The following ALG9 variants were observed in gnomAD, a reference collection of about 807,000 sequenced individuals.
ALG9 encodes the protein ALG9 alpha-1,2-mannosyltransferase.
In ALG9, 55 loss-of-function variants were observed where a neutral mutation model predicts 81.8. That is an observed-to-expected ratio of 0.67 (90% CI 0.54 to 0.84). ALG9 has a LOEUF of 0.84. ALG9 is among the 40% of genes least tolerant of loss of function. The pLI, the probability that ALG9 is intolerant of heterozygous loss-of-function variation, is 0.00. For synonymous variants in ALG9, 278 were observed against 274.3 expected (o/e 1.01, Z -0.13); for missense variants, 629 against 745.0 (o/e 0.84, Z 1.81).
At chr11:111,771,519 T>C in the ALG9 span, 1 of 152,224 alleles carries the variant, frequency 6.6e-6, no homozygotes, top group African/African-American at 2.4e-5. Flanking sequence ...AAATAGGTTC[T>C]CATTCAAATG....
chr11:111,792,145 A>C (rs1555071013), intron 14 of ALG9, among the ~76,000 whole-genome samples: 1 of 152,150 alleles, frequency 6.6e-6, no homozygotes, highest in East Asian at 1.9e-4. Flanking sequence ...CTAGGTTTCC[A>C]CCTCTCACTT....
At chr11:111,790,141 G>A (rs1377344936) in intron 14 of ALG9, among the ~76,000 whole-genome samples, 1 of 152,142 alleles carries the variant, frequency 6.6e-6, no homozygotes, top group East Asian at 1.9e-4. Flanking sequence ...AGACCAGCCT[G>A]GCCAACATGG....
intron 8 of ALG9, 80 bp downstream of exon 8, chr11:111,853,300 G>C: frequency 1.1e-6 from 1 of 925,054 alleles, no homozygotes; most frequent in Non-Finnish European, 1.8e-6. Flanking sequence ...CTAATAATAC[G>C]AGGCAACTGA....
chr11:111,813,048 G>GC (rs1950972053), intron 13 of ALG9, among the ~76,000 whole-genome samples: 1 of 84 alleles, frequency 0.012, no homozygotes, highest in African/African-American at 0.05. Flanking sequence ...CCTCAAAGAA[G>GC]CGACTGTCTT....
At position 111,866,312 on chromosome 11, in the gene ALG9, A is replaced by G. The variant is rs559387775; in HGVS notation, c.406-1061T>C. Reference sequence around the variant, plus strand: ...CTCCATCTCAAAAACAAACAAAAAAAATGGGCCTACTTGTGGGATCTCACT... The same window carrying G: ...CTCCATCTCAAAAACAAACAAAAAAGATGGGCCTACTTGTGGGATCTCACT... On this transcript the variant is annotated intron_variant, in intron 3 of 14. Coordinates refer to ENST00000616540, the MANE Select transcript of ALG9 (RefSeq NM_024740.2). Among the ~76,000 whole-genome samples, 15 of 152,260 alleles carry G rather than the reference A, an allele frequency of 9.9e-5. No individual in the cohort carries two copies. The South Asian group carries it at 1.7e-3, about 17-fold the overall frequency.
At chr11:111,789,670 T>TA (rs1272969429) in intron 14 of ALG9, among the ~76,000 whole-genome samples, 2 of 151,446 alleles carry the variant, frequency 1.3e-5, no homozygotes, top group Non-Finnish European at 2.9e-5. Context: ...CCGTCTCTAC[T>TA]AAAAGTACAA....
chr11:111,868,467 GT>G, intron 3 of ALG9, 134 bp downstream of exon 3: 1 of 1,121,248 alleles, frequency 8.9e-7, no homozygotes, highest in Non-Finnish European at 1.2e-6. Context: ...TTGTTGAATG[GT>G]GAATTGGATA....
chr11:111,769,616 C>CA, the ALG9 span, among the ~76,000 whole-genome samples: 45,618 of 131,326 alleles, frequency 0.35, 7,979 homozygotes, highest in East Asian at 0.52. Flanking sequence ...GACCCTGTCT[C>CA]AAAAAAAAAA....
chr11:111,812,394 T>C (rs1950859318), intron 13 of ALG9, among the ~76,000 whole-genome samples: 1 of 152,042 alleles, frequency 6.6e-6, no homozygotes, highest in African/African-American at 2.4e-5. Context: ...ACAGTGAGAC[T>C]CTGTTTCCAC....
At chr11:111,838,219 T>C in intron 11 of ALG9, 30 bp downstream of exon 11, 2 of 1,613,244 alleles carry the variant, frequency 1.2e-6, no homozygotes, top group South Asian at 1.1e-5. Flanking sequence ...GACTCGTCAG[T>C]GTAGGTTAAG....
chr11:111,836,351 A>G, intron 12 of ALG9, 57 bp from the exon 13 acceptor site: 5 of 1,603,828 alleles, frequency 3.1e-6, no homozygotes, highest in Non-Finnish European at 3.4e-6. Context: ...TGCTAAATGT[A>G]CTTGAAACAA....
chr11:111,847,037 G>A (rs1555130746), intron 8 of ALG9, among the ~76,000 whole-genome samples: 1 of 152,104 alleles, frequency 6.6e-6, no homozygotes, highest in African/African-American at 2.4e-5. Flanking sequence ...GCTAAAAGAA[G>A]GGATAATGTT....
chr11:111,801,197 T>C (rs550562676), intron 14 of ALG9, among the ~76,000 whole-genome samples: 1 of 152,372 alleles, frequency 6.6e-6, no homozygotes, highest in African/African-American at 2.4e-5. Flanking sequence ...AGTAAATAAG[T>C]GTGAAGGCAT....
At chr11:111,853,293 A>ATTACTACATC in intron 8 of ALG9, 87 bp downstream of exon 8, 1 of 886,104 alleles carries the variant, frequency 1.1e-6, no homozygotes, top group East Asian at 2.5e-5. Flanking sequence ...GCTACATCTA[A>ATTACTACATC]TAATACGAGG....
chr11:111,837,588 G>A lies in ALG9; in HGVS notation c.1352C>T (p.Pro451Leu), dbSNP rs782500957. ...GTCTGTAGCAATTCGGTAAAATTCT[G>A]GATACAAATCAAGGGGCCCGTGATA... is the stretch of plus-strand genomic sequence containing the variant. ...RGYHGPLDLY[P>L]EFYRIATDPT... The change falls in exon 12 of 15, where the codon CCA becomes CTA. Residue 451 changes from proline to leucine, a missense_variant. Transcript: ENST00000616540. 6.2e-7 allele frequency: 1 copy of A among 1,614,074 alleles called. No homozygotes were observed. The highest frequency in any genetic ancestry group is 1.1e-5 in the South Asian group (1 of 91,078).
chr11:111,777,292 T>C (rs1421756523), downstream of ALG9, among the ~76,000 whole-genome samples: 3 of 152,232 alleles, frequency 2.0e-5, no homozygotes, highest in African/African-American at 7.2e-5. Context: ...GTTACGGACA[T>C]AATTTTCTCC....
Position 111,840,684 on chromosome 11 carries a change from A to G in ALG9, c.1144T>C (p.Cys382Arg), listed in dbSNP as rs1167846866. 1 of 1,614,040 alleles carries G rather than the reference A, an allele frequency of 6.2e-7. No homozygotes were observed. The highest frequency in any genetic ancestry group is 8.5e-7 in the Non-Finnish European group (1 of 1,180,012). The change falls in exon 10 of 15, where the codon TGT becomes CGT. Residue 382 changes from cysteine (C) to arginine (R), a missense_variant. Transcript: ENST00000616540. ...AGTGCAGAGAGAGCCACAGCGCCAC[A>G]GAGACATATAAGTGGATACACAGGG... ...LFPVYPLICL[C>R]GAVALSALQH...
At chr11:111,809,246 G>A (rs974484639) in intron 14 of ALG9, among the ~76,000 whole-genome samples, 3 of 152,122 alleles carry the variant, frequency 2.0e-5, no homozygotes, top group Non-Finnish European at 2.9e-5. Context: ...AGAAAATGAT[G>A]GGCCGGGCAT....
At chr11:111,788,161 T>C (rs1183505693) in intron 14 of ALG9, among the ~76,000 whole-genome samples, 2 of 152,174 alleles carry the variant, frequency 1.3e-5, no homozygotes, top group Admixed American at 6.5e-5. Flanking sequence ...ATTCTAAACT[T>C]GTAAATGTCA....
Sources: allele counts gnomAD v4.1 joint callset (sites outside exome capture counted in the v4.1 genomes callset), GRCh38; gene constraint gnomAD v4.1.1; transcripts MANE v1.5; gene names NCBI Gene and HGNC (gene_info 2026-07-23, HGNC 2026-07-21).